Variants in ASAP2 observed in about 807,000 individuals in gnomAD.
ASAP2 encodes ArfGAP with SH3 domain, ankyrin repeat and PH domain 2, also known as arf-GAP with SH3 domain, ANK repeat and PH domain-containing protein 2.
A neutral mutation model predicts 131.4 loss-of-function variants in ASAP2; 45 were observed. The ratio of observed to expected loss-of-function variants is 0.34; its 90% CI spans 0.27 to 0.44. The LOEUF (loss-of-function observed/expected upper bound fraction) is 0.44, where lower values mean the gene tolerates loss of function less well. Among genes scored for constraint, ASAP2 ranks in the 20% least tolerant of loss-of-function variants. ASAP2 has a pLI of 1.00. For synonymous variants in ASAP2, 510 were observed against 503.0 expected, an observed-to-expected ratio of 1.01 and a Z score of -0.19; for missense variants, 1,011 against 1,297.0, an observed-to-expected ratio of 0.78 and a Z score of 3.39.
chr2:9,326,572 C>T (rs1330782624), intron 6 of ASAP2, among the ~76,000 whole-genome samples: 2 of 152,074 alleles, frequency 1.3e-5, no homozygotes, highest in Admixed American at 1.3e-4. Flanking sequence ...AAAATCGCCC[C>T]CAAATTTTAC....
In ASAP2 at chr2:9,356,168, T is replaced by C; in HGVS notation, c.1161-11T>C. The C allele has an allele frequency of 6.2e-7, 1 of 1,614,112 alleles. No individual in the cohort carries two copies. ...GTGGAATTTAACACAGCGTTGCTCT[T>C]GTTTTTCTAGATGGATGTCTGTGCT... is the stretch of plus-strand genomic sequence containing the variant. On this transcript the variant is annotated splice_polypyrimidine_tract_variant and intron_variant, in intron 13 of 27. Coordinates refer to ENST00000281419, the MANE Select transcript of ASAP2 (RefSeq NM_003887.3).
intron 1 of ASAP2, among the ~76,000 whole-genome samples, chr2:9,258,643 G>A (rs192184170): frequency 1.3e-5 from 2 of 152,226 alleles, no homozygotes; most frequent in Admixed American, 1.3e-4. Flanking sequence ...CCGGGTCCTG[G>A]GGCAGTGTGG....
At chr2:9,329,123 G>A (rs72775219) in intron 7 of ASAP2, among the ~76,000 whole-genome samples, 2,667 of 152,324 alleles carry the variant, frequency 0.018, 34 homozygotes, top group Non-Finnish European at 0.027. Context: ...GGCAGATAAG[G>A]AGTGGGGGAA....
At chr2:9,379,723 C>A (rs1006701618) in intron 19 of ASAP2, among the ~76,000 whole-genome samples, 2 of 152,118 alleles carry the variant, frequency 1.3e-5, no homozygotes, top group African/African-American at 2.4e-5. Flanking sequence ...ATAATCAGAC[C>A]TCATTGACTG....
intron 1 of ASAP2, among the ~76,000 whole-genome samples, chr2:9,255,375 G>A (rs947870385): frequency 6.6e-6 from 1 of 152,194 alleles, no homozygotes; most frequent in Non-Finnish European, 1.5e-5. Flanking sequence ...GTGCTCTGTG[G>A]AATAATATTG....
intron 1 of ASAP2, among the ~76,000 whole-genome samples, chr2:9,259,122 G>A (rs1038672376): frequency 2.0e-5 from 3 of 152,242 alleles, no homozygotes; most frequent in Non-Finnish European, 4.4e-5. Context: ...CTTACTTGCT[G>A]CTGCCCAGGG....
intron 3 of ASAP2, among the ~76,000 whole-genome samples, chr2:9,308,899 C>T (rs1275289717): frequency 1.3e-5 from 2 of 152,164 alleles, no homozygotes; most frequent in East Asian, 1.9e-4. Flanking sequence ...CCATTTTAGT[C>T]AGTACCTTGT....
At chr2:9,365,906 C>G (rs1296197432) in intron 15 of ASAP2, among the ~76,000 whole-genome samples, 3 of 152,072 alleles carry the variant, frequency 2.0e-5, no homozygotes, top group Non-Finnish European at 4.4e-5. Flanking sequence ...GCTGAGCTAC[C>G]CTGGGTGATA....
At chr2:9,313,521 A>G (rs968932071) in intron 3 of ASAP2, among the ~76,000 whole-genome samples, 1 of 152,068 alleles carries the variant, frequency 6.6e-6, no homozygotes, top group Non-Finnish European at 1.5e-5. Flanking sequence ...CCCACAACCC[A>G]CCTTATCACT....
At chr2:9,345,737 C>A (rs1671925016) in intron 11 of ASAP2, among the ~76,000 whole-genome samples, 1 of 152,122 alleles carries the variant, frequency 6.6e-6, no homozygotes, top group South Asian at 2.1e-4. Flanking sequence ...TCCCTCCAGT[C>A]CCTGGTGAAG....
chr2:9,327,968 G>C, intron 7 of ASAP2, 57 bp downstream of exon 7: 2 of 1,322,338 alleles, frequency 1.5e-6, no homozygotes, highest in Non-Finnish European at 2.1e-6. Flanking sequence ...GCAACTTCTG[G>C]TAGATCTATA....
chr2:9,398,516 C>T (rs777645051), intron 24 of ASAP2, among the ~76,000 whole-genome samples: 23 of 151,780 alleles, frequency 1.5e-4, no homozygotes, highest in Non-Finnish European at 2.8e-4. Flanking sequence ...ACTCAAAAAA[C>T]AAACACAAAG....
At chr2:9,320,162 G>T in intron 4 of ASAP2, 126 bp from the exon 5 acceptor site, 2 of 741,302 alleles carry the variant, frequency 2.7e-6, no homozygotes, top group East Asian at 2.7e-5. Context: ...TATTTTTCGT[G>T]GGATTACATA....
At chr2:9,221,113 T>C (rs971823589) in intron 1 of ASAP2, among the ~76,000 whole-genome samples, 26 of 152,294 alleles carry the variant, frequency 1.7e-4, no homozygotes, top group East Asian at 1.5e-3. Flanking sequence ...TGTTTTTTTT[T>C]CCCAAGATTG....
At chr2:9,341,018 G>A (rs1214499677) in intron 9 of ASAP2, among the ~76,000 whole-genome samples, 1 of 152,178 alleles carries the variant, frequency 6.6e-6, no homozygotes, top group Admixed American at 6.5e-5. Context: ...GGCTTTGTCA[G>A]TCGAGTTTAG....
intron 18 of ASAP2, among the ~76,000 whole-genome samples, chr2:9,378,446 A>G (rs1244669548): frequency 6.6e-6 from 1 of 152,232 alleles, no homozygotes; most frequent in Non-Finnish European, 1.5e-5. Flanking sequence ...GGCTTTGGGA[A>G]AGTGACTTTT....
chr2:9,286,447 A>AT (rs1553304560), intron 2 of ASAP2, among the ~76,000 whole-genome samples: 29,742 of 148,350 alleles, frequency 0.2, 3,176 homozygotes, highest in Non-Finnish European at 0.24. Flanking sequence ...GAAAAAAAAA[A>AT]ATATATATAT....
chr2:9,275,253 G>A (rs1467291557), intron 1 of ASAP2, among the ~76,000 whole-genome samples: 1 of 151,846 alleles, frequency 6.6e-6, no homozygotes, highest in African/African-American at 2.4e-5. Flanking sequence ...TTTATTTTTT[G>A]TAGAGACAGG....
intron 22 of ASAP2, among the ~76,000 whole-genome samples, chr2:9,390,519 G>A (rs953068578): frequency 1.3e-5 from 2 of 152,208 alleles, no homozygotes; most frequent in African/African-American, 4.8e-5. Flanking sequence ...ACCTGAACCT[G>A]ATTGGTGTCA....
Sources: gnomAD v4.1 joint callset for allele counts (sites outside exome capture counted in the v4.1 genomes callset) on GRCh38, gnomAD v4.1.1 for gene constraint, MANE v1.5 for transcripts, NCBI Gene and HGNC (gene_info 2026-07-23, HGNC 2026-07-21) for gene names.